Variants in ANKS1B observed in about 807,000 individuals in gnomAD.
ANKS1B encodes ankyrin repeat and sterile alpha motif domain-containing protein 1B.
A neutral mutation model predicts 148.3 loss-of-function variants in ANKS1B; 36 were observed. The observed-to-expected ratio is 0.24, with a 90% confidence interval of 0.19 to 0.32. The LOEUF is 0.32. Among genes scored for constraint, ANKS1B ranks in the 10% least tolerant of loss-of-function variants. The pLI is 1.00. For missense variants in ANKS1B, 1,157 were observed against 1,542.6 expected, an observed-to-expected ratio of 0.75 and a Z score of 4.19; for synonymous variants, 542 against 560.8, an observed-to-expected ratio of 0.97 and a Z score of 0.47.
At chr12:99,951,014 G>A (rs2095207542) in intron 1 of ANKS1B, among the ~76,000 whole-genome samples, 1 of 152,152 alleles carries the variant, frequency 6.6e-6, no homozygotes, top group Non-Finnish European at 1.5e-5. Context: ...CAGCCGGATA[G>A]AGAAATCTAA....
chr12:99,833,388 G>A (rs1288763752), intron 1 of ANKS1B, among the ~76,000 whole-genome samples: 1 of 152,126 alleles, frequency 6.6e-6, no homozygotes, highest in East Asian at 1.9e-4. Flanking sequence ...ACAGACCAGG[G>A]GAGAAACAAA....
chr12:99,249,360 TC>T (rs891562492), intron 12 of ANKS1B, among the ~76,000 whole-genome samples: 3 of 152,184 alleles, frequency 2.0e-5, no homozygotes, highest in African/African-American at 7.2e-5. Context: ...TAGGTTACCA[TC>T]CCCTCTGTAG....
intron 11 of ANKS1B, among the ~76,000 whole-genome samples, chr12:99,430,005 C>T (rs1308873225): frequency 6.6e-6 from 1 of 150,438 alleles, no homozygotes; most frequent in Non-Finnish European, 1.5e-5. Flanking sequence ...CACACCAGTG[C>T]TAATGAGGCA....
At chr12:99,282,967 GA>G (rs2078671094) in intron 12 of ANKS1B, among the ~76,000 whole-genome samples, 2 of 151,946 alleles carry the variant, frequency 1.3e-5, no homozygotes, top group South Asian at 4.2e-4. Context: ...GGTTAATTGA[GA>G]AAAAAAGAAA....
At chr12:99,040,264 A>ATGTGCGTGTGCG (rs199584709) in intron 17 of ANKS1B, among the ~76,000 whole-genome samples, 13 of 151,050 alleles carry the variant, frequency 8.6e-5, no homozygotes, top group Non-Finnish European at 4.4e-5. Flanking sequence ...CTCTCTCTCT[A>ATGTGCGTGTGCG]TGTGCGTGTG....
intron 15 of ANKS1B, among the ~76,000 whole-genome samples, chr12:99,107,210 A>G (rs1241362174): frequency 6.6e-6 from 1 of 152,182 alleles, no homozygotes; most frequent in East Asian, 1.9e-4. Flanking sequence ...TCTAATGGAC[A>G]GTGACCCCAT....
intron 9 of ANKS1B, among the ~76,000 whole-genome samples, chr12:99,637,053 C>T (rs1426044121): frequency 6.6e-6 from 1 of 152,170 alleles, no homozygotes; most frequent in East Asian, 1.9e-4. Context: ...CACCTGTAAT[C>T]CTTGCACTTT....
chr12:99,337,595 T>C (rs751856863), intron 12 of ANKS1B, among the ~76,000 whole-genome samples: 8 of 152,168 alleles, frequency 5.3e-5, no homozygotes, highest in Non-Finnish European at 1.0e-4. Flanking sequence ...TAGGTATTTA[T>C]TGTAGTTTTC....
intron 14 of ANKS1B, among the ~76,000 whole-genome samples, chr12:99,178,486 C>T (rs1487885263): frequency 6.6e-6 from 1 of 152,126 alleles, no homozygotes; most frequent in African/African-American, 2.4e-5. Context: ...GGAATCTGGG[C>T]AGGCATGTGA....
At chr12:99,693,682 TAAAC>T (rs2053466421) in intron 8 of ANKS1B, among the ~76,000 whole-genome samples, 1 of 151,712 alleles carries the variant, frequency 6.6e-6, no homozygotes, top group African/African-American at 2.4e-5. Context: ...TGTTAAAAAA[TAAAC>T]AACTACATTG....
intron 12 of ANKS1B, among the ~76,000 whole-genome samples, chr12:99,260,625 T>C (rs1285700352): frequency 6.6e-6 from 1 of 152,192 alleles, no homozygotes; most frequent in African/African-American, 2.4e-5. Context: ...AGATATCCAA[T>C]GTAAAACAAA....
At chr12:98,738,815 C>T (rs1197437856) in intron 9 of ANKS1B, among the ~76,000 whole-genome samples, 1 of 152,172 alleles carries the variant, frequency 6.6e-6, no homozygotes, top group South Asian at 2.1e-4. Flanking sequence ...CAATAGCTTA[C>T]GTGATGGTTT....
intron 14 of ANKS1B, among the ~76,000 whole-genome samples, chr12:99,200,290 T>G (rs2081921348): frequency 6.6e-6 from 1 of 152,196 alleles, no homozygotes; most frequent in Non-Finnish European, 1.5e-5. Context: ...GAGAAAACAT[T>G]TCACATGAAT....
intron 14 of ANKS1B, among the ~76,000 whole-genome samples, chr12:99,177,068 T>C (rs1226905311): frequency 6.6e-6 from 1 of 152,192 alleles, no homozygotes; most frequent in Non-Finnish European, 1.5e-5. Context: ...AGTACCAATT[T>C]GTTCATCATC....
intron 12 of ANKS1B, 26 bp downstream of exon 12, chr12:99,399,605 C>A: frequency 6.2e-7 from 1 of 1,602,574 alleles, no homozygotes; most frequent in South Asian, 1.1e-5. Context: ...AATAAAAATA[C>A]AGCTGCATAA....
At chr12:99,382,968 C>CA (rs1423478267) in intron 12 of ANKS1B, among the ~76,000 whole-genome samples, 2 of 152,124 alleles carry the variant, frequency 1.3e-5, no homozygotes, top group African/African-American at 4.8e-5. Flanking sequence ...CCCTCCCACC[C>CA]ACTTCCCTTC....
At chr12:99,392,312 G>A (rs1451768891) in intron 12 of ANKS1B, among the ~76,000 whole-genome samples, 1 of 152,238 alleles carries the variant, frequency 6.6e-6, no homozygotes, top group Non-Finnish European at 1.5e-5. Context: ...CCTGATCAGT[G>A]TGAGAGGCCT....
intron 17 of ANKS1B, among the ~76,000 whole-genome samples, chr12:99,013,601 T>TA (rs1320482216): frequency 6.6e-6 from 1 of 152,170 alleles, no homozygotes; most frequent in Non-Finnish European, 1.5e-5. Flanking sequence ...CATGACTGTA[T>TA]ATCTAGAAAA....
chr12:99,792,110 T>C (rs976081194), intron 4 of ANKS1B, among the ~76,000 whole-genome samples: 2 of 151,870 alleles, frequency 1.3e-5, no homozygotes, highest in Admixed American at 1.3e-4. Flanking sequence ...GTGGCTGATA[T>C]GAACAACTAC....
Sources: gnomAD v4.1 joint callset for allele counts (sites outside exome capture counted in the v4.1 genomes callset) on GRCh38, gnomAD v4.1.1 for gene constraint, MANE v1.5 for transcripts, NCBI Gene and HGNC (gene_info 2026-07-23, HGNC 2026-07-21) for gene names.